The following NALF1 variants were observed in gnomAD, a reference collection of about 807,000 sequenced individuals.
NALF1 encodes NALCN channel auxiliary factor 1, also known as family with sequence similarity 155 member A.
A neutral mutation model predicts 48.4 loss-of-function variants in NALF1; 3 were observed. The observed-to-expected ratio is 0.06, with a 90% confidence interval of 0.03 to 0.16. NALF1 has a LOEUF of 0.16. NALF1 is among the 10% of genes least tolerant of loss of function. The pLI is 1.00. For synonymous variants in NALF1, 262 were observed against 245.7 expected (o/e 1.07, Z -0.62); for missense variants, 526 against 571.5 (o/e 0.92, Z 0.81).
intron 1 of NALF1, among the ~76,000 whole-genome samples, chr13:107,753,647 A>G (rs1002912301): frequency 3.3e-5 from 5 of 152,200 alleles, no homozygotes; most frequent in Admixed American, 2.6e-4. Context: ...ACGGATACAC[A>G]GAATACTTTC....
rs546027324 is a variant in NALF1, at chr13:107,643,737, G to T, written c.915+221945C>A. Reference sequence around the variant, plus strand: ...ATTTTCAATTTTGAAAGTGGAGAAGGTTTGCTGAACCACAGAGGAAGTAGT... The same window carrying T: ...ATTTTCAATTTTGAAAGTGGAGAAGTTTTGCTGAACCACAGAGGAAGTAGT... On this transcript the variant is annotated intron_variant, in intron 1 of 2. Coordinates refer to ENST00000375915, the MANE Select transcript of NALF1 (RefSeq NM_001080396.3). 2.0e-5 allele frequency among the ~76,000 whole-genome samples: 3 copies of T among 152,092 alleles called. No individual in the cohort carries two copies. In the East Asian group the frequency reaches 5.8e-4, roughly 29 times the overall value.
intron 1 of NALF1, among the ~76,000 whole-genome samples, chr13:107,572,810 ATC>A (rs1232426041): frequency 1.3e-5 from 2 of 152,202 alleles, no homozygotes; most frequent in African/African-American, 2.4e-5. Flanking sequence ...ATGTTAATTT[ATC>A]TCTTTTAAAA....
At chr13:107,359,275 T>C (rs1263114071) in intron 1 of NALF1, among the ~76,000 whole-genome samples, 1 of 152,070 alleles carries the variant, frequency 6.6e-6, no homozygotes, top group East Asian at 1.9e-4. Context: ...TATGGTACCA[T>C]GGATTTGCTG....
intron 1 of NALF1, among the ~76,000 whole-genome samples, chr13:107,319,785 T>C (rs1209707907): frequency 1.2e-4 from 19 of 152,078 alleles, no homozygotes; most frequent in Admixed American, 1.2e-3. Flanking sequence ...CCACTGCCTG[T>C]ACATTTAGCC....
rs369688052 is a variant in NALF1 at position 107,258,117 on chromosome 13, C to G, written c.916-47362G>C. Among the ~76,000 whole-genome samples the G allele has an allele frequency of 3.8e-4, 57 of 151,978 alleles. No individual in the cohort carries two copies. In the East Asian group the frequency reaches 8.9e-3, roughly 24 times the overall value. ...AATATACTTTTGGGAAACAATGTAC[C>G]CTCTCATTTGGTAATGGCAAAAGAC... On this transcript the variant is annotated intron_variant, in intron 1 of 2. Transcript: ENST00000375915.
At chr13:107,359,507 T>C (rs1214462499) in intron 1 of NALF1, among the ~76,000 whole-genome samples, 1 of 152,164 alleles carries the variant, frequency 6.6e-6, no homozygotes, top group African/African-American at 2.4e-5. Context: ...GTTTAATAGA[T>C]ATTAAAGAAA....
chr13:107,531,531 A>G (rs564236563), intron 1 of NALF1, among the ~76,000 whole-genome samples: 1 of 152,224 alleles, frequency 6.6e-6, no homozygotes, highest in South Asian at 2.1e-4. Flanking sequence ...ATGCAATCAC[A>G]GGTATTCCTT....
intron 1 of NALF1, among the ~76,000 whole-genome samples, chr13:107,648,638 A>G (rs968102967): frequency 1.3e-5 from 2 of 152,212 alleles, no homozygotes; most frequent in East Asian, 1.9e-4. Flanking sequence ...TAAGCCTGCT[A>G]TAACACCCAC....
At chr13:107,269,941 TTTG>T in intron 1 of NALF1, among the ~76,000 whole-genome samples, 3 of 131,994 alleles carry the variant, frequency 2.3e-5, no homozygotes, top group African/African-American at 8.2e-5. Context: ...TTTTTTTTTT[TTTG>T]TATTTTTAGT....
At chr13:107,532,769 T>A (rs953164245) in intron 1 of NALF1, among the ~76,000 whole-genome samples, 1 of 152,024 alleles carries the variant, frequency 6.6e-6, no homozygotes, top group Non-Finnish European at 1.5e-5. Context: ...GAATGTTAAT[T>A]TTCAGAAAAT....
chr13:107,252,596 G>A (rs1332599006), intron 1 of NALF1, among the ~76,000 whole-genome samples: 1 of 152,040 alleles, frequency 6.6e-6, no homozygotes, highest in Non-Finnish European at 1.5e-5. Flanking sequence ...ACCTCCACAG[G>A]TGCATGCCAT....
chr13:107,537,884 G>C (rs564161640), intron 1 of NALF1, among the ~76,000 whole-genome samples: 1 of 152,180 alleles, frequency 6.6e-6, no homozygotes, highest in Non-Finnish European at 1.5e-5. Context: ...TGGGCATGGT[G>C]GCACATACCT....
chr13:107,250,138 G>A (rs1162163996), intron 1 of NALF1, among the ~76,000 whole-genome samples: 1 of 151,142 alleles, frequency 6.6e-6, no homozygotes, highest in Non-Finnish European at 1.5e-5. Context: ...ATGCAGCCAG[G>A]GTTCAGAAGT....
intron 1 of NALF1, among the ~76,000 whole-genome samples, chr13:107,570,572 A>ATTTATTTTAT (rs10672418): frequency 2.0e-5 from 3 of 146,502 alleles, no homozygotes; most frequent in Non-Finnish European, 4.5e-5. Context: ...TTATTTATTT[A>ATTTATTTTAT]TTTATTTTAT....
chr13:107,742,455 T>C (rs1267994407), intron 1 of NALF1, among the ~76,000 whole-genome samples: 1 of 152,176 alleles, frequency 6.6e-6, no homozygotes, highest in Non-Finnish European at 1.5e-5. Flanking sequence ...GTTCTAGTAA[T>C]CCTGAGTGAG....
At position 107,866,184 on chromosome 13, in the gene NALF1, C is replaced by T. The variant is rs1369374201; in HGVS notation, c.413G>A (p.Gly138Asp). The T allele has an allele frequency of 1.9e-6, 3 of 1,602,264 alleles. No individual in the cohort carries two copies. The highest frequency in any genetic ancestry group is 1.7e-4 in the Middle Eastern group (1 of 5,846). Reference sequence around the variant, plus strand: ...GTTGCCCTTGCCGCCGCCGCCGCCGCCGTCTCCCGGGGAGGGGGGCAGGGT... The same window carrying T: ...GTTGCCCTTGCCGCCGCCGCCGCCGTCGTCTCCCGGGGAGGGGGGCAGGGT... ...SPTLPPSPGDGGGGGGKGNRG... is the reference protein window; with the variant it reads ...SPTLPPSPGDDGGGGGKGNRG... The change falls in exon 1 of 3, where the codon GGC becomes GAC. Residue 138 changes from glycine (G) to aspartate (D), a missense_variant. Coordinates refer to ENST00000375915, the MANE Select transcript of NALF1 (RefSeq NM_001080396.3). The surrounding 1 kb of genome is among the most constrained non-coding windows in gnomAD (Gnocchi z 4.4).
At position 107,168,855 on chromosome 13, in the gene NALF1, C is replaced by T. The variant is rs1360294467; in HGVS notation, c.*1642G>A. 1 of 152,584 alleles carries T rather than the reference C, an allele frequency of 6.6e-6. No homozygotes were observed. Among genetic ancestry groups the T allele is most frequent in the Non-Finnish European group, 1.5e-5 (1 of 68,024 alleles). 9.5% of individuals were successfully genotyped at this position (152,584 alleles called of 1,614,324 possible). On this transcript the variant is annotated 3_prime_UTR_variant, in exon 3 of 3. Transcript: ENST00000375915. ...ATAAAGTTAATAACTAAATTTTGTT[C>T]ACTAAGAGGACCTTTTCTATGGATT... is the stretch of plus-strand genomic sequence containing the variant.
chr13:107,636,657 T>G (rs909146711), intron 1 of NALF1, among the ~76,000 whole-genome samples: 20 of 152,074 alleles, frequency 1.3e-4, no homozygotes, highest in Admixed American at 2.6e-4. Context: ...GAAATAGACT[T>G]TAAAGTACAA....
intron 1 of NALF1, among the ~76,000 whole-genome samples, chr13:107,467,336 G>C (rs1168332270): frequency 2.6e-5 from 4 of 152,126 alleles, no homozygotes; most frequent in East Asian, 1.9e-4. Flanking sequence ...ATTACTAAGA[G>C]ACTAAGGTTA....
Sources: allele counts gnomAD v4.1 joint callset (sites outside exome capture counted in the v4.1 genomes callset), GRCh38; gene constraint gnomAD v4.1.1; non-coding constraint Gnocchi (gnomAD v3.1); transcripts MANE v1.5; gene names NCBI Gene and HGNC (gene_info 2026-07-23, HGNC 2026-07-21).